EXT1: variants seen among roughly 807,000 people sequenced by gnomAD.
The protein encoded by EXT1 is exostosin-1.
In EXT1, 20 loss-of-function variants were observed where a neutral mutation model predicts 82.5. The ratio of observed to expected loss-of-function variants is 0.24; its 90% confidence interval spans 0.17 to 0.35. EXT1 has a LOEUF of 0.35. Among genes scored for constraint, EXT1 ranks in the 10% least tolerant of loss-of-function variants. The pLI, the probability that EXT1 is intolerant of heterozygous loss-of-function variation, is 1.00. For synonymous variants in EXT1, 348 were observed against 350.8 expected (o/e 0.99, Z 0.09); for missense variants, 757 against 936.5 (o/e 0.81, Z 2.50).
chr8:117,936,893 C>T (rs191858735), intron 1 of EXT1, among the ~76,000 whole-genome samples: 1 of 151,812 alleles, frequency 6.6e-6, no homozygotes, highest in African/African-American at 2.4e-5. Flanking sequence ...AATAAATAAA[C>T]AAACAAACAA....
At chr8:117,896,753 T>C (rs1813345619) in intron 1 of EXT1, among the ~76,000 whole-genome samples, 1 of 152,214 alleles carries the variant, frequency 6.6e-6, no homozygotes, top group African/African-American at 2.4e-5. Flanking sequence ...AACAGGTTCT[T>C]ATCTAGGCTT....
At position 117,819,814 on chromosome 8, in the gene EXT1, A is replaced by G. The variant is rs376258820; in HGVS notation, c.1418-20T>C. 10 of 1,604,476 alleles carry G rather than the reference A, an allele frequency of 6.2e-6. No homozygotes were observed. Among genetic ancestry groups the G allele is most frequent in the East Asian group, 4.5e-5 (2 of 44,852 alleles). Reference sequence around the variant, plus strand: ...TTAAACCTGAAATAAAAAGGAGAGTAGAGCCTAATGAAGCGCTGGAAAGCA... The same window carrying G: ...TTAAACCTGAAATAAAAAGGAGAGTGGAGCCTAATGAAGCGCTGGAAAGCA... On this transcript the variant is annotated intron_variant, in intron 5 of 10. Coordinates refer to ENST00000378204, the MANE Select transcript of EXT1 (RefSeq NM_000127.3).
chr8:117,807,495 T>A (rs888534000), intron 8 of EXT1, 118 bp from the exon 9 acceptor site: 1 of 1,109,114 alleles, frequency 9.0e-7, no homozygotes, highest in African/African-American at 1.5e-5. Flanking sequence ...GAAACATTAA[T>A]TCTATGTATT....
Position 117,830,147 on chromosome 8 carries a change from C to T in EXT1, c.1284+83G>A. 7 of 1,583,814 alleles carry T rather than the reference C, an allele frequency of 4.4e-6. No individual in the cohort carries two copies. The Admixed American group carries it at 1.0e-4, about 23-fold the overall frequency. On this transcript the variant is annotated intron_variant, in intron 4 of 10. Transcript: ENST00000378204. ...GTTTTGCCCCACTGGACCAATCACACATCCCTAATAGCAAAACAGAAGGCT... is the reference window on the plus strand; with the variant it reads ...GTTTTGCCCCACTGGACCAATCACATATCCCTAATAGCAAAACAGAAGGCT...
chr8:117,981,054 T>C (rs1023981175), intron 1 of EXT1, among the ~76,000 whole-genome samples: 1 of 152,182 alleles, frequency 6.6e-6, no homozygotes, highest in African/African-American at 2.4e-5. Context: ...CTTATAAGCT[T>C]CTTGTGTAAA....
At chr8:117,879,240 T>C (rs1358821852) in intron 1 of EXT1, among the ~76,000 whole-genome samples, 2 of 152,176 alleles carry the variant, frequency 1.3e-5, no homozygotes, top group Non-Finnish European at 2.9e-5. Context: ...TTCCCAGACA[T>C]GTGATTACTA....
chr8:117,846,040 A>G (rs1030521666), intron 1 of EXT1, among the ~76,000 whole-genome samples: 5 of 152,184 alleles, frequency 3.3e-5, no homozygotes, highest in Admixed American at 6.5e-5. Flanking sequence ...CATTTAATAC[A>G]TCGTGCCCAT....
intron 1 of EXT1, among the ~76,000 whole-genome samples, chr8:117,971,374 C>T (rs1202527970): frequency 6.6e-6 from 1 of 152,144 alleles, no homozygotes; most frequent in Non-Finnish European, 1.5e-5. Flanking sequence ...TAAAACACAG[C>T]CGGGACTAAG....
At chr8:117,912,196 C>T (rs1457232834) in intron 1 of EXT1, among the ~76,000 whole-genome samples, 1 of 152,174 alleles carries the variant, frequency 6.6e-6, no homozygotes, top group Non-Finnish European at 1.5e-5. Flanking sequence ...CCTTTCCTTG[C>T]AAATGGTTCT....
At chr8:117,843,063 TA>T (rs1420280334) in intron 1 of EXT1, among the ~76,000 whole-genome samples, 1 of 152,216 alleles carries the variant, frequency 6.6e-6, no homozygotes, top group East Asian at 1.9e-4. Context: ...CATAAGTAAT[TA>T]ATCTTTCCTT....
At chr8:117,861,639 T>C (rs1274813104) in intron 1 of EXT1, among the ~76,000 whole-genome samples, 1 of 142,894 alleles carries the variant, frequency 7.0e-6, no homozygotes, top group Non-Finnish European at 1.6e-5. Flanking sequence ...GGATTACAGA[T>C]ACGTGCCACC....
chr8:117,904,817 G>C (rs1813513387), intron 1 of EXT1, among the ~76,000 whole-genome samples: 1 of 150,868 alleles, frequency 6.6e-6, no homozygotes, highest in South Asian at 2.1e-4. Context: ...GTAGGAGAGA[G>C]AGAGAAAGAA....
At chr8:118,081,277 T>C (rs1395272091) in intron 1 of EXT1, among the ~76,000 whole-genome samples, 1 of 152,224 alleles carries the variant, frequency 6.6e-6, no homozygotes, top group Non-Finnish European at 1.5e-5. Context: ...TAAAATACAC[T>C]GTTTTCCAGA....
At chr8:117,926,207 T>A (rs1357603621) in intron 1 of EXT1, among the ~76,000 whole-genome samples, 1 of 152,230 alleles carries the variant, frequency 6.6e-6, no homozygotes, top group Non-Finnish European at 1.5e-5. Flanking sequence ...TTTGATATTA[T>A]TCTCTAGATC....
chr8:118,002,528 C>CTTT (rs60354141), intron 1 of EXT1, among the ~76,000 whole-genome samples: 56 of 87,082 alleles, frequency 6.4e-4, no homozygotes, highest in African/African-American at 1.7e-3. Context: ...GAATATTTTT[C>CTTT]TTTTTTTTTT....
chr8:118,066,964 C>A (rs960375140), intron 1 of EXT1, among the ~76,000 whole-genome samples: 1 of 152,166 alleles, frequency 6.6e-6, no homozygotes, highest in South Asian at 2.1e-4. Flanking sequence ...GCTTAACAAA[C>A]GTCTGCTCAT....
intron 1 of EXT1, among the ~76,000 whole-genome samples, chr8:118,081,546 A>G (rs563823378): frequency 2.6e-4 from 39 of 152,336 alleles, no homozygotes; most frequent in African/African-American, 8.7e-4. Flanking sequence ...AAGTGTTTTC[A>G]TCACAGAAGC....
chr8:118,089,127 G>A (rs1041791130), intron 1 of EXT1, among the ~76,000 whole-genome samples: 14 of 152,084 alleles, frequency 9.2e-5, no homozygotes, highest in African/African-American at 3.4e-4. Context: ...AATATCATAA[G>A]GTTTTTTTAT....
At chr8:118,077,687 TAATA>T (rs1291695662) in intron 1 of EXT1, among the ~76,000 whole-genome samples, 1 of 152,204 alleles carries the variant, frequency 6.6e-6, no homozygotes, top group East Asian at 1.9e-4. Flanking sequence ...GGGACTCTAA[TAATA>T]AATATCAAAC....
Sources: allele counts gnomAD v4.1 joint callset (sites outside exome capture counted in the v4.1 genomes callset), GRCh38; gene constraint gnomAD v4.1.1; transcripts MANE v1.5; gene names NCBI Gene and HGNC (gene_info 2026-07-23, HGNC 2026-07-21).